The following PLCE1 variants were observed in gnomAD, a reference collection of about 807,000 sequenced individuals.
PLCE1 encodes the protein 1-phosphatidylinositol 4,5-bisphosphate phosphodiesterase epsilon-1.
Under a neutral mutation model 242.8 loss-of-function variants are expected in PLCE1, and 119 were observed. The observed-to-expected ratio is 0.49, with a 90% CI of 0.42 to 0.57. The LOEUF (loss-of-function observed/expected upper bound fraction) is 0.57, where lower values mean the gene tolerates loss of function less well. Ranked by LOEUF, PLCE1 falls within the 20% of genes least tolerant of loss-of-function variation. PLCE1 has a pLI of 0.00. For synonymous variants in PLCE1, 945 were observed against 1,017.4 expected, an observed-to-expected ratio of 0.93 and a Z score of 1.35; for missense variants, 2,441 against 2,788.8, an observed-to-expected ratio of 0.88 and a Z score of 2.81.
At chr10:94,217,590 G>A (rs982195403) in intron 4 of PLCE1, among the ~76,000 whole-genome samples, 3 of 152,184 alleles carry the variant, frequency 2.0e-5, no homozygotes, top group African/African-American at 7.2e-5. Context: ...TAACTATGGT[G>A]AGAGAGAAGA....
Position 94,271,460 on chromosome 10 carries a change from G to A in PLCE1, c.4506+858G>A, listed in dbSNP as rs543792927. Among the ~76,000 whole-genome samples, 27 of 151,554 alleles carry A rather than the reference G, an allele frequency of 1.8e-4. No individual in the cohort carries two copies. The East Asian group carries it at 4.1e-3, about 23-fold the overall frequency. ...CTCCTGAGTAGCTGGGACTACAGGCGCCCACCACCACGTCTGGCTAATTTT... is the reference window on the plus strand; with the variant it reads ...CTCCTGAGTAGCTGGGACTACAGGCACCCACCACCACGTCTGGCTAATTTT... On this transcript the variant is annotated intron_variant, in intron 18 of 32. Transcript: ENST00000371380.
At chr10:94,065,336 C>T (rs2044169249) in intron 2 of PLCE1, among the ~76,000 whole-genome samples, 1 of 152,202 alleles carries the variant, frequency 6.6e-6, no homozygotes, top group South Asian at 2.1e-4. Context: ...GGGGCCATAG[C>T]TCATGTATGA....
chr10:94,020,883 A>G (rs1247877133), intron 1 of PLCE1, among the ~76,000 whole-genome samples: 1 of 152,144 alleles, frequency 6.6e-6, no homozygotes, highest in African/African-American at 2.4e-5. Flanking sequence ...ACACTGGGGT[A>G]CAGTGGCATA....
rs886047492 is a variant in PLCE1 at position 94,030,819 on chromosome 10, AC to A, written c.-226del. The A allele has an allele frequency of 1.6e-4, 85 of 546,192 alleles. No homozygotes were observed. Among genetic ancestry groups the A allele is most frequent in the Middle Eastern group, 1.5e-3 (3 of 2,026 alleles). 33.8% of individuals were successfully genotyped at this position (546,192 alleles called of 1,614,324 possible). A position where few individuals can be genotyped will look rare whatever the true frequency, so the allele number is the denominator to read the frequency against. On this transcript the variant is annotated 5_prime_UTR_variant, in exon 2 of 33. It introduces an in-frame stop codon into an upstream open reading frame of the 5' UTR. Coordinates refer to ENST00000371380, the MANE Select transcript of PLCE1 (RefSeq NM_016341.4). ...ACAGAGGAAGGAAAATTGATCTACC[AC>A]CTTAAAACCCTGATCTAGAAAAAAT...
chr10:94,142,353 A>AG lies in PLCE1; in HGVS notation c.1492+9894_1492+9895insG, dbSNP rs2046998300. 4.0e-5 allele frequency among the ~76,000 whole-genome samples: 6 copies of AG among 149,986 alleles called. No homozygotes were observed. In the South Asian group the frequency reaches 1.3e-3, roughly 32 times the overall value. On this transcript the variant is annotated intron_variant, in intron 3 of 32. Transcript: ENST00000371380. ...GCAACATGGCGTGATGCTGTCTCAAAAAAAAAAAAAAAAAAGCCAGCCAGA... is the reference window on the plus strand; with the variant it reads ...GCAACATGGCGTGATGCTGTCTCAAAGAAAAAAAAAAAAAAAGCCAGCCAGA...
intron 2 of PLCE1, among the ~76,000 whole-genome samples, chr10:94,068,763 G>C (rs1322127694): frequency 6.6e-6 from 1 of 152,196 alleles, no homozygotes; most frequent in Non-Finnish European, 1.5e-5. Context: ...AGTTTCACTG[G>C]ATTACCAAGC....
At chr10:94,214,073 A>G (rs948784919) in intron 4 of PLCE1, among the ~76,000 whole-genome samples, 2 of 152,190 alleles carry the variant, frequency 1.3e-5, no homozygotes, top group African/African-American at 4.8e-5. Context: ...AAATGAACCT[A>G]CATTCCTTTG....
chr10:94,185,248 C>A (rs888375366), intron 4 of PLCE1, among the ~76,000 whole-genome samples: 1 of 152,192 alleles, frequency 6.6e-6, no homozygotes, highest in Non-Finnish European at 1.5e-5. Flanking sequence ...CTGTAATAAC[C>A]AGCATTTTAA....
At chr10:94,158,819 A>G (rs1197274568) in intron 3 of PLCE1, among the ~76,000 whole-genome samples, 1 of 149,092 alleles carries the variant, frequency 6.7e-6, no homozygotes, top group Non-Finnish European at 1.5e-5. Context: ...ACCTCTGGGT[A>G]TGAGATTATT....
chr10:94,310,333 G>A (rs188462638), intron 27 of PLCE1, among the ~76,000 whole-genome samples: 4 of 152,252 alleles, frequency 2.6e-5, no homozygotes, highest in East Asian at 3.9e-4. Flanking sequence ...TTGCTTAGGT[G>A]TTCCTCCTTT....
rs527776030 is a variant in PLCE1, at chr10:94,221,271, C to G, written c.1810-6035C>G. On this transcript the variant is annotated intron_variant, in intron 4 of 32. Coordinates refer to ENST00000371380, the MANE Select transcript of PLCE1 (RefSeq NM_016341.4). ...CCCAGTGCTTCTGATGTCAGTGCTC[C>G]ACATTTGAGAAGCACTGCCTCTGCA... is the stretch of plus-strand genomic sequence containing the variant. Among the ~76,000 whole-genome samples, 11 of 152,264 alleles carry G rather than the reference C, an allele frequency of 7.2e-5. No homozygotes were observed. In the East Asian group the frequency reaches 2.1e-3, roughly 29 times the overall value.
intron 4 of PLCE1, among the ~76,000 whole-genome samples, chr10:94,210,217 A>G (rs1387562054): frequency 7.3e-5 from 11 of 150,438 alleles, no homozygotes; most frequent in South Asian, 2.1e-4. Flanking sequence ...TCTATCATCT[A>G]TGCCGTAAGC....
chr10:94,028,025 A>G (rs1025746828), intron 1 of PLCE1, among the ~76,000 whole-genome samples: 5 of 152,076 alleles, frequency 3.3e-5, no homozygotes, highest in African/African-American at 4.8e-5. Context: ...TCCTGTCTCA[A>G]TCATTTTCCA....
intron 7 of PLCE1, among the ~76,000 whole-genome samples, chr10:94,244,151 G>A (rs2050599926): frequency 6.6e-6 from 1 of 152,124 alleles, no homozygotes; most frequent in Non-Finnish European, 1.5e-5. Context: ...GGGCAAGGAT[G>A]TAGAACCTGC....
At chr10:94,211,715 T>C (rs906209808) in intron 4 of PLCE1, among the ~76,000 whole-genome samples, 10 of 152,220 alleles carry the variant, frequency 6.6e-5, no homozygotes, top group Non-Finnish European at 1.0e-4. Context: ...GACATATTGA[T>C]TCTGGATTTA....
chr10:94,098,994 G>A (rs946282539), intron 2 of PLCE1, among the ~76,000 whole-genome samples: 1 of 152,196 alleles, frequency 6.6e-6, no homozygotes, highest in African/African-American at 2.4e-5. Flanking sequence ...GGAAATGCAG[G>A]CAAAGTGGAA....
intron 6 of PLCE1, among the ~76,000 whole-genome samples, chr10:94,234,961 A>ATGGAAAGAAC (rs1408988518): frequency 6.6e-6 from 1 of 152,104 alleles, no homozygotes; most frequent in Non-Finnish European, 1.5e-5. Context: ...AGTGACTAAA[A>ATGGAAAGAAC]TGGAAAGAAC....
intron 22 of PLCE1, 86 bp downstream of exon 22, chr10:94,285,051 T>G (rs950805764): frequency 1.4e-5 from 11 of 783,990 alleles, no homozygotes; most frequent in African/African-American, 8.5e-5. Context: ...TTGTGAACAC[T>G]CTCAAAATAA....
In PLCE1 at chr10:94,031,000, A is replaced by T; in HGVS notation, c.-47A>T. The T allele has an allele frequency of 6.2e-7, 1 of 1,601,426 alleles. No individual in the cohort carries two copies. Among genetic ancestry groups the T allele is most frequent in the Non-Finnish European group, 8.6e-7 (1 of 1,168,890 alleles). On this transcript the variant is annotated 5_prime_UTR_variant, in exon 2 of 33. Transcript: ENST00000371380. ...TTATTAAAACCTTGACATGATCACC[A>T]GGGAGGAAAAATAGAGCAATAGTCA...
Sources: allele counts gnomAD v4.1 joint callset (sites outside exome capture counted in the v4.1 genomes callset), GRCh38; gene constraint gnomAD v4.1.1; transcripts MANE v1.5; gene names NCBI Gene and HGNC (gene_info 2026-07-23, HGNC 2026-07-21).